The following TBC1D25 variants were observed in gnomAD, a reference collection of about 807,000 sequenced individuals.
TBC1D25 encodes 5SN3 snoRNA.
In TBC1D25, 13 loss-of-function variants were observed where a neutral mutation model predicts 38.8. The ratio of observed to expected loss-of-function variants is 0.34; its 90% confidence interval spans 0.22 to 0.53. The LOEUF (loss-of-function observed/expected upper bound fraction) is 0.53. Among genes scored for constraint, TBC1D25 ranks in the 20% least tolerant of loss-of-function variants. TBC1D25 has a pLI of 0.94. For missense variants in TBC1D25, 372 were observed against 600.0 expected (o/e 0.62, Z 3.97); for synonymous variants, 225 against 255.6 (o/e 0.88, Z 1.14).
chrX:48,561,176 GTTGTT>G lies in TBC1D25; in HGVS notation c.*209_*213del, dbSNP rs782051633. 460 of 435,221 alleles carry G rather than the reference GTTGTT, an allele frequency of 1.1e-3. No individual in the cohort carries two copies. Among genetic ancestry groups the G allele is most frequent in the Middle Eastern group, 7.7e-3 (12 of 1,561 alleles). 35.9% of individuals were successfully genotyped at this position (435,221 alleles called of 1,213,427 possible). ...GGCCACGCCTATTTATTCTGTTTCT[GTTGTT>G]TTGTTTTTAACAACTATACTTTGCA... On this transcript the variant is annotated 3_prime_UTR_variant, in exon 6 of 6. Transcript: ENST00000376771.
intron 3 of TBC1D25, among the ~76,000 whole-genome samples, chrX:48,548,792 C>T (rs781987485): frequency 8.9e-6 from 1 of 111,924 alleles, no homozygotes; most frequent in East Asian, 2.8e-4. Flanking sequence ...TTCATATTTG[C>T]GTGTCTGTAC....
At position 48,561,202 on chromosome X, in the gene TBC1D25, T is replaced by G. The variant is rs2062023801; in HGVS notation, c.*227T>G. On this transcript the variant is annotated 3_prime_UTR_variant, in exon 6 of 6. Transcript: ENST00000376771. ...TTGTTTTGTTTTTAACAACTATACT[T>G]TGCACACATGAAGGTCACTGTGGTT... 4 of 381,738 alleles carry G rather than the reference T, an allele frequency of 1.0e-5. No individual in the cohort carries two copies. The highest frequency in any genetic ancestry group is 1.3e-5 in the Non-Finnish European group (3 of 226,268). The allele number at this position is 381,738 out of a possible 1,213,427, so 31.5% of individuals were successfully genotyped here. A position where few individuals can be genotyped will look rare whatever the true frequency, so the allele number is the denominator to read the frequency against.
At chrX:48,552,949 C>T (rs782193236) in intron 3 of TBC1D25, among the ~76,000 whole-genome samples, 2 of 109,412 alleles carry the variant, frequency 1.8e-5, no homozygotes, top group South Asian at 3.9e-4. Flanking sequence ...ACCACCACAC[C>T]CGGCTAGTTT....
chrX:48,549,779 G>A (rs2061914208), intron 3 of TBC1D25, among the ~76,000 whole-genome samples: 2 of 112,386 alleles, frequency 1.8e-5, no homozygotes, highest in African/African-American at 3.2e-5. Flanking sequence ...GGGATTACAG[G>A]CATGAGCCAC....
At chrX:48,547,532 C>T (rs1278142461) in intron 3 of TBC1D25, among the ~76,000 whole-genome samples, 1 of 111,906 alleles carries the variant, frequency 8.9e-6, no homozygotes. Context: ...TGCATGGCTA[C>T]GAAACATGTG....
chrX:48,543,658 G>A (rs2061858835), intron 2 of TBC1D25, among the ~76,000 whole-genome samples: 1 of 106,910 alleles, frequency 9.4e-6, no homozygotes, highest in African/African-American at 3.4e-5. Context: ...GCTGAGGCAG[G>A]TGGATCACGA....
rs2062035651 is a variant in TBC1D25 at position 48,562,554 on chromosome X, T to A, written c.*1579T>A. On this transcript the variant is annotated 3_prime_UTR_variant, in exon 6 of 6. Coordinates refer to ENST00000376771, the MANE Select transcript of TBC1D25 (RefSeq NM_002536.4). ...AAGGGCCATCCAACCTATGGGAGTG[T>A]CTGGCCTTCTGAGGTCCTGAAATGT... is the stretch of plus-strand genomic sequence containing the variant. 9.0e-6 allele frequency: 1 copy of A among 111,651 alleles called. No individual in the cohort carries two copies. Among genetic ancestry groups the A allele is most frequent in the Non-Finnish European group, 1.9e-5 (1 of 53,102 alleles). 9.2% of individuals were successfully genotyped at this position (111,651 alleles called of 1,213,427 possible).
At chrX:48,559,513 G>A in intron 5 of TBC1D25, 101 bp from the exon 6 acceptor site, 1 of 1,057,316 alleles carries the variant, frequency 9.5e-7, no homozygotes, top group Non-Finnish European at 1.3e-6. Context: ...GACTTAGAAG[G>A]AAGACAGAGG....
chrX:48,555,597 G>T (rs1165457909), intron 3 of TBC1D25, among the ~76,000 whole-genome samples: 1 of 111,377 alleles, frequency 9.0e-6, no homozygotes, highest in African/African-American at 3.3e-5. Context: ...AAAGAAATAA[G>T]ACACAGAGAC....
intron 3 of TBC1D25, among the ~76,000 whole-genome samples, chrX:48,553,349 ACTT>A (rs1311069448): frequency 9.2e-6 from 1 of 108,884 alleles, no homozygotes; most frequent in Non-Finnish European, 1.9e-5. Context: ...TGCTCAGAGA[ACTT>A]CTTTGTTCTC....
chrX:48,558,129 A>AC (rs2061991253), intron 3 of TBC1D25, among the ~76,000 whole-genome samples: 1 of 109,459 alleles, frequency 9.1e-6, no homozygotes, highest in South Asian at 3.9e-4. Context: ...AAAAAAAAAA[A>AC]GCATATACGG....
Position 48,559,322 on chromosome X carries a change from C to T in TBC1D25, c.681C>T (p.Gly227=), listed in dbSNP as rs146316025. Residue 227 remains glycine (G), a synonymous_variant, in exon 5 of 6, where the codon GGC becomes GGT. Transcript: ENST00000376771. ...AGTTGCGCCTGCGGATCTATCATGG[C>T]GGTGTGGAGCCCTCGCTGCGAAAGG... ...PEELRLRIYH[G]GVEPSLRKVV... The T allele has an allele frequency of 0.01, 12,122 of 1,207,714 alleles. 52 individuals carry two copies. The highest frequency in any genetic ancestry group is 0.014 in the Middle Eastern group (59 of 4,347).
At chrX:48,540,106 C>T (rs1297344000) in intron 1 of TBC1D25, among the ~76,000 whole-genome samples, 186 bp downstream of exon 1, 2 of 110,222 alleles carry the variant, frequency 1.8e-5, no homozygotes, top group Non-Finnish European at 3.8e-5. Flanking sequence ...AGCGACGTAC[C>T]TTGGGGCGTG....
intron 3 of TBC1D25, among the ~76,000 whole-genome samples, chrX:48,547,611 C>T (rs1204934560): frequency 8.9e-6 from 1 of 112,082 alleles, no homozygotes; most frequent in Non-Finnish European, 1.9e-5. Flanking sequence ...AGAAAGACAC[C>T]CAGTAGTCTG....
intron 3 of TBC1D25, among the ~76,000 whole-genome samples, chrX:48,546,395 C>T (rs1365732885): frequency 4.6e-5 from 5 of 108,681 alleles, no homozygotes; most frequent in African/African-American, 6.7e-5. Context: ...TGCCTGTAGT[C>T]CCAGCTACTC....
Position 48,560,115 on chromosome X carries a change from CTCT to C in TBC1D25, c.1214_1216del (p.Phe405del), listed in dbSNP as rs2062010810. On this transcript the variant is annotated inframe_deletion, in exon 6 of 6. Coordinates refer to ENST00000376771, the MANE Select transcript of TBC1D25 (RefSeq NM_002536.4). ...CCTGCAAGAGGCAGGCGCTGATGAC[CTCT>C]TCTTCTGTTACCGCTGGCTGCTGCT... 1 of 1,210,111 alleles carries C rather than the reference CTCT, an allele frequency of 8.3e-7. No individual in the cohort carries two copies. The highest frequency in any genetic ancestry group is 1.1e-6 in the Non-Finnish European group (1 of 894,612).
chrX:48,560,974 G>T lies in TBC1D25; in HGVS notation c.2066G>T (p.Ter689LeuextTer23), dbSNP rs782490231. 1.1e-5 allele frequency: 13 copies of T among 1,186,057 alleles called. No individual in the cohort carries two copies. Among genetic ancestry groups the T allele is most frequent in the Non-Finnish European group, 1.5e-5 (13 of 883,082 alleles). ...GGGGCTGAGGCCACAGCCGCATCTT[G>T]ATCAGGCTTTCTCAAGCCCTCCATC... ...EEGAEATAAS[*>L] Residue 689 changes from the stop codon to leucine, a stop_lost, in exon 6 of 6, where the codon TGA becomes TTA. Coordinates refer to ENST00000376771, the MANE Select transcript of TBC1D25 (RefSeq NM_002536.4).
chrX:48,550,980 T>TGAATTCTTCTATAGAA (rs1556983118), intron 3 of TBC1D25, among the ~76,000 whole-genome samples: 12 of 111,573 alleles, frequency 1.1e-4, no homozygotes, highest in Non-Finnish European at 2.1e-4. Flanking sequence ...TTCTTAAATG[T>TGAATTCTTCTATAGAA]GAATTCTTCT....
At chrX:48,552,924 G>C (rs1273787876) in intron 3 of TBC1D25, among the ~76,000 whole-genome samples, 5 of 109,390 alleles carry the variant, frequency 4.6e-5, no homozygotes, top group African/African-American at 1.7e-4. Flanking sequence ...TGAGTAGCTG[G>C]GGTAACAGAA....
Sources: allele counts gnomAD v4.1 joint callset (sites outside exome capture counted in the v4.1 genomes callset), GRCh38; gene constraint gnomAD v4.1.1; transcripts MANE v1.5; gene names NCBI Gene and HGNC (gene_info 2026-07-23, HGNC 2026-07-21).